The following ARSJ variants were observed in gnomAD, a reference collection of about 807,000 sequenced individuals.
The protein encoded by ARSJ is arylsulfatase family member J.
In ARSJ, 26 loss-of-function variants were observed where a neutral mutation model predicts 35.9. The observed-to-expected ratio is 0.72, with a 90% CI of 0.53 to 1.00. The LOEUF is 1.00. ARSJ is among the 50% of genes least tolerant of loss of function. The pLI is 0.00. For missense variants in ARSJ, 667 were observed against 723.6 expected (o/e 0.92, Z 0.90); for synonymous variants, 294 against 267.6 (o/e 1.10, Z -0.96).
intron 1 of ARSJ, among the ~76,000 whole-genome samples, chr4:113,907,415 G>T (rs2099669083): frequency 1.3e-5 from 2 of 152,090 alleles, no homozygotes; most frequent in African/African-American, 4.8e-5. Context: ...ATTTGAAAGG[G>T]CTGCCTATTA....
chr4:113,924,718 T>G (rs1016096496), intron 1 of ARSJ, among the ~76,000 whole-genome samples: 1 of 152,084 alleles, frequency 6.6e-6, no homozygotes, highest in East Asian at 1.9e-4. Context: ...TGGCATATGA[T>G]AAAGGAAAAG....
At chr4:113,968,804 G>T (rs1428920919) in intron 1 of ARSJ, among the ~76,000 whole-genome samples, 1 of 152,124 alleles carries the variant, frequency 6.6e-6, no homozygotes, top group South Asian at 2.1e-4. Context: ...TCATGATTTC[G>T]ACTATTGTAG....
intron 1 of ARSJ, among the ~76,000 whole-genome samples, chr4:113,931,832 T>A (rs1381832638): frequency 6.6e-6 from 1 of 152,016 alleles, no homozygotes; most frequent in Non-Finnish European, 1.5e-5. Context: ...AATACCTGAA[T>A]CAAAATAAAC....
At chr4:113,907,235 T>C (rs1403635897) in intron 1 of ARSJ, among the ~76,000 whole-genome samples, 2 of 152,264 alleles carry the variant, frequency 1.3e-5, no homozygotes, top group African/African-American at 4.8e-5. Flanking sequence ...GTGAGACTTA[T>C]GTTGATCCCA....
At position 113,924,751 on chromosome 4, in the gene ARSJ, A is replaced by G. The variant is rs187090465; in HGVS notation, c.399-21076T>C. On this transcript the variant is annotated intron_variant, in intron 1 of 1. Coordinates refer to ENST00000315366, the MANE Select transcript of ARSJ (RefSeq NM_024590.4). ...AAGAAAATGAAGATATTTTCTTAGC[A>G]TAAGTGTTATACATGCACAAACATG... is the stretch of plus-strand genomic sequence containing the variant. Among the ~76,000 whole-genome samples, 13 of 152,344 alleles carry G rather than the reference A, an allele frequency of 8.5e-5. No individual in the cohort carries two copies. In the East Asian group the frequency reaches 2.3e-3, roughly 27 times the overall value.
chr4:113,916,727 A>G (rs1053687352), intron 1 of ARSJ, among the ~76,000 whole-genome samples: 6 of 152,198 alleles, frequency 3.9e-5, no homozygotes, highest in African/African-American at 1.4e-4. Context: ...GCCAAACTGA[A>G]GTTCAACCCA....
intron 1 of ARSJ, among the ~76,000 whole-genome samples, chr4:113,928,619 C>T (rs534778176): frequency 1.2e-4 from 19 of 152,268 alleles, no homozygotes; most frequent in African/African-American, 4.6e-4. Flanking sequence ...GGGAGCTACA[C>T]CCACCTTGCC....
chr4:113,942,509 G>T (rs1325576395), intron 1 of ARSJ, among the ~76,000 whole-genome samples: 1 of 151,926 alleles, frequency 6.6e-6, no homozygotes, highest in Non-Finnish European at 1.5e-5. Context: ...ACTTCATTTG[G>T]AATAAATCTT....
intron 1 of ARSJ, among the ~76,000 whole-genome samples, chr4:113,914,930 C>G (rs1237245812): frequency 6.6e-6 from 1 of 152,140 alleles, no homozygotes; most frequent in African/African-American, 2.4e-5. Flanking sequence ...ACTGTCCGTT[C>G]ATTATTTATA....
intron 1 of ARSJ, among the ~76,000 whole-genome samples, chr4:113,907,123 T>G (rs1216642219): frequency 6.6e-6 from 1 of 152,208 alleles, no homozygotes. Flanking sequence ...ATATCAGTAC[T>G]TTTTGAAAAA....
At chr4:113,953,629 C>T (rs1048527978) in intron 1 of ARSJ, among the ~76,000 whole-genome samples, 1 of 151,992 alleles carries the variant, frequency 6.6e-6, no homozygotes, top group East Asian at 1.9e-4. Flanking sequence ...GCCACATAAA[C>T]ATGGCACCAG....
rs79219950 is a variant in ARSJ at position 113,968,542 on chromosome 4, A to G, written c.398+9895T>C. 0.013 allele frequency among the ~76,000 whole-genome samples: 2,047 copies of G among 152,254 alleles called. 114 individuals carry two copies. In the East Asian group the frequency reaches 0.16, roughly 12 times the overall value. ...AAGATGCAATGATGTCTTCCCAGAG[A>G]TGAATGAAGAACACTCTACCAAAGG... is the stretch of plus-strand genomic sequence containing the variant. On this transcript the variant is annotated intron_variant, in intron 1 of 1. Coordinates refer to ENST00000315366, the MANE Select transcript of ARSJ (RefSeq NM_024590.4).
rs1366734130 is a variant in ARSJ at position 113,900,928 on chromosome 4, TA to T, written c.*1345del. 1.3e-5 allele frequency: 2 copies of T among 152,108 alleles called. No individual in the cohort carries two copies. Among genetic ancestry groups the T allele is most frequent in the African/African-American group, 4.8e-5 (2 of 41,422 alleles). The allele number at this position is 152,108 out of a possible 1,614,324, so 9.4% of individuals were successfully genotyped here. On this transcript the variant is annotated 3_prime_UTR_variant, in exon 2 of 2. Coordinates refer to ENST00000315366, the MANE Select transcript of ARSJ (RefSeq NM_024590.4). ...CCACAGTGTCCACTTTGTATAAGAG[TA>T]AGTTTATTACTTTTAATGGGAAAAA...
intron 1 of ARSJ, among the ~76,000 whole-genome samples, chr4:113,971,740 G>GA (rs1469445485): frequency 1.3e-5 from 2 of 152,156 alleles, no homozygotes; most frequent in African/African-American, 2.4e-5. Context: ...AAATATATAT[G>GA]AAAGTAATGA....
chr4:113,902,935 C>T lies in ARSJ; in HGVS notation c.1139G>A (p.Trp380Ter). The change falls in exon 2 of 2, where the codon TGG becomes TAG. Residue 380 changes from tryptophan to a stop codon, truncating the protein, a stop_gained. Coordinates refer to ENST00000315366, the MANE Select transcript of ARSJ (RefSeq NM_024590.4). LOFTEE classifies it high-confidence loss of function. ...VCKELVHITD[W>*]YPTLISLAEG... ...AGCCAGTGAAATGAGAGTGGGGTACCAGTCAGTGATGTGCACAAGTTCCTT... is the reference window on the plus strand; with the variant it reads ...AGCCAGTGAAATGAGAGTGGGGTACTAGTCAGTGATGTGCACAAGTTCCTT... 2 of 1,614,070 alleles carry T rather than the reference C, an allele frequency of 1.2e-6. No homozygotes were observed. Among genetic ancestry groups the T allele is most frequent in the Non-Finnish European group, 1.7e-6 (2 of 1,180,010 alleles).
At chr4:113,908,421 T>C (rs1363207698) in intron 1 of ARSJ, among the ~76,000 whole-genome samples, 4 of 152,202 alleles carry the variant, frequency 2.6e-5, no homozygotes, top group African/African-American at 9.6e-5. Context: ...TAAAACAAGA[T>C]GTAAGAAAAT....
At position 113,902,930 on chromosome 4, in the gene ARSJ, G is replaced by T; in HGVS notation, c.1144C>A (p.Pro382Thr). The T allele has an allele frequency of 1.9e-6, 3 of 1,614,104 alleles. No individual in the cohort carries two copies. The highest frequency in any genetic ancestry group is 1.7e-5 in the Admixed American group (1 of 60,018). ...KELVHITDWY[P>T]TLISLAEGQI... ...CCTTCAGCCAGTGAAATGAGAGTGG[G>T]GTACCAGTCAGTGATGTGCACAAGT... The change falls in exon 2 of 2, where the codon CCC (proline) becomes ACC (threonine). Residue 382 changes from proline to threonine, a missense_variant. Physicochemically the swap from Pro to Thr is conservative, Grantham distance 38. Coordinates refer to ENST00000315366, the MANE Select transcript of ARSJ (RefSeq NM_024590.4).
intron 1 of ARSJ, among the ~76,000 whole-genome samples, chr4:113,939,565 A>C (rs1725006971): frequency 6.6e-6 from 1 of 152,084 alleles, no homozygotes; most frequent in Non-Finnish European, 1.5e-5. Context: ...CATCCTCTCC[A>C]GCACCCGTTG....
At chr4:113,933,632 C>T (rs778514237) in intron 1 of ARSJ, among the ~76,000 whole-genome samples, 1 of 151,404 alleles carries the variant, frequency 6.6e-6, no homozygotes, top group Non-Finnish European at 1.5e-5. Context: ...AGAAAAAAAC[C>T]CATATGACAA....
Sources: allele counts gnomAD v4.1 joint callset (sites outside exome capture counted in the v4.1 genomes callset), GRCh38; gene constraint gnomAD v4.1.1; transcripts MANE v1.5; gene names NCBI Gene and HGNC (gene_info 2026-07-23, HGNC 2026-07-21).